Variants in DAPK1 observed in about 807,000 individuals in gnomAD.
DAPK1 encodes death-associated protein kinase 1.
A neutral mutation model predicts 144.9 loss-of-function variants in DAPK1; 56 were observed. That is an observed-to-expected ratio of 0.39 (90% CI 0.31 to 0.48). DAPK1 has a LOEUF of 0.48. Ranked by LOEUF, DAPK1 falls within the 20% of genes least tolerant of loss-of-function variation. The pLI is 0.95. For missense variants in DAPK1, 1,454 were observed against 1,875.4 expected, an observed-to-expected ratio of 0.78 and a Z score of 4.15; for synonymous variants, 690 against 749.0, an observed-to-expected ratio of 0.92 and a Z score of 1.29.
chr9:87,613,874 G>A (rs898156217), intron 3 of DAPK1, among the ~76,000 whole-genome samples: 11 of 152,124 alleles, frequency 7.2e-5, no homozygotes, highest in African/African-American at 2.7e-4. Flanking sequence ...TCTCTTTTCT[G>A]AGCTCGAGCC....
chr9:87,698,440 T>A, intron 22 of DAPK1: 1 of 455,720 alleles, frequency 2.2e-6, no homozygotes, highest in Non-Finnish European at 3.9e-6. Context: ...ATTTTCCTTG[T>A]GGCCTAGGAG....
chr9:87,642,150 A>G, intron 10 of DAPK1, 92 bp downstream of exon 10: 3 of 924,116 alleles, frequency 3.2e-6, no homozygotes, highest in Admixed American at 2.1e-5. Context: ...TACTGGTAAT[A>G]TGGAAGATAC....
intron 2 of DAPK1, among the ~76,000 whole-genome samples, chr9:87,551,122 G>A (rs1044266966): frequency 1.7e-4 from 26 of 151,736 alleles, no homozygotes; most frequent in African/African-American, 6.1e-4. Context: ...TCTTAAAACT[G>A]GGCAACATCA....
chr9:87,551,440 G>A (rs1004153664), intron 2 of DAPK1, among the ~76,000 whole-genome samples: 3 of 152,140 alleles, frequency 2.0e-5, no homozygotes, highest in East Asian at 1.9e-4. Flanking sequence ...GTCACCGTGC[G>A]CAGCCTGTTA....
chr9:87,666,095 T>G (rs150144536), intron 18 of DAPK1, among the ~76,000 whole-genome samples: 3 of 152,258 alleles, frequency 2.0e-5, no homozygotes, highest in African/African-American at 7.2e-5. Flanking sequence ...GAAGGCCAGG[T>G]AGTTAGGGCA....
chr9:87,644,240 T>G (rs1235592683), intron 11 of DAPK1, among the ~76,000 whole-genome samples: 1 of 152,154 alleles, frequency 6.6e-6, no homozygotes, highest in Non-Finnish European at 1.5e-5. Context: ...TGAAACCTAA[T>G]CACAGATAAG....
At chr9:87,509,145 A>AG (rs910377585) in intron 2 of DAPK1, among the ~76,000 whole-genome samples, 18 of 152,210 alleles carry the variant, frequency 1.2e-4, no homozygotes, top group Admixed American at 1.0e-3. Context: ...CTTTATAAAA[A>AG]CAAAGCTACA....
intron 19 of DAPK1, among the ~76,000 whole-genome samples, chr9:87,678,115 C>T (rs906328408): frequency 2.0e-5 from 3 of 152,210 alleles, no homozygotes; most frequent in African/African-American, 7.2e-5. Context: ...GAAGAAAACA[C>T]CAGAGTACAG....
chr9:87,650,275 TTC>T, intron 16 of DAPK1, 157 bp downstream of exon 16: 1 of 667,940 alleles, frequency 1.5e-6, no homozygotes, highest in Non-Finnish European at 2.5e-6. Context: ...CTGTGAACTT[TTC>T]TATATTGTAT....
At chr9:87,564,448 G>A (rs576922175) in intron 2 of DAPK1, among the ~76,000 whole-genome samples, 1 of 152,164 alleles carries the variant, frequency 6.6e-6, no homozygotes, top group Non-Finnish European at 1.5e-5. Flanking sequence ...ACGTGAGAAT[G>A]GGTAATTTAT....
intron 19 of DAPK1, among the ~76,000 whole-genome samples, chr9:87,674,530 A>T (rs892869397): frequency 6.6e-6 from 1 of 151,428 alleles, no homozygotes; most frequent in Admixed American, 6.6e-5. Flanking sequence ...AAAAAAAAAA[A>T]AAAAAAAAAG....
intron 3 of DAPK1, among the ~76,000 whole-genome samples, chr9:87,615,133 C>T (rs1043289471): frequency 6.6e-6 from 1 of 152,210 alleles, no homozygotes; most frequent in Admixed American, 6.5e-5. Context: ...GCCTCACGTC[C>T]TTGCAAAATG....
intron 2 of DAPK1, among the ~76,000 whole-genome samples, chr9:87,563,010 A>G (rs1826988222): frequency 6.6e-6 from 1 of 152,186 alleles, no homozygotes. Flanking sequence ...AAGGTTGGAC[A>G]ATGGAAGGAG....
chr9:87,640,080 C>T (rs1413265701), intron 7 of DAPK1, among the ~76,000 whole-genome samples: 1 of 152,208 alleles, frequency 6.6e-6, no homozygotes, highest in African/African-American at 2.4e-5. Context: ...TTCCTTTAAA[C>T]TACCAGACGC....
intron 2 of DAPK1, among the ~76,000 whole-genome samples, chr9:87,501,413 C>T (rs1223281764): frequency 6.6e-6 from 1 of 152,120 alleles, no homozygotes; most frequent in Non-Finnish European, 1.5e-5. Context: ...GGCGCAGTGG[C>T]GCGCGCCTGT....
intron 2 of DAPK1, among the ~76,000 whole-genome samples, chr9:87,567,965 A>G (rs980243616): frequency 3.3e-5 from 5 of 152,244 alleles, no homozygotes; most frequent in Non-Finnish European, 7.3e-5. Flanking sequence ...TTGAAATGGT[A>G]ATGCTAAGGA....
intron 2 of DAPK1, chr9:87,525,346 C>T: frequency 6.2e-7 from 1 of 1,611,066 alleles, no homozygotes; most frequent in Non-Finnish European, 8.5e-7. Context: ...GAAAATTCGG[C>T]CAGGGTTCTC....
chr9:87,631,320 G>A (rs552878427), intron 3 of DAPK1, among the ~76,000 whole-genome samples: 2 of 152,240 alleles, frequency 1.3e-5, no homozygotes, highest in African/African-American at 4.8e-5. Flanking sequence ...TTTAGAAAAT[G>A]GAATCTTGCA....
At chr9:87,559,326 C>CAGGGCAGGGT (rs1216206294) in intron 2 of DAPK1, among the ~76,000 whole-genome samples, 4 of 146,442 alleles carry the variant, frequency 2.7e-5, no homozygotes, top group Non-Finnish European at 5.9e-5. Context: ...TAGGGTAGGG[C>CAGGGCAGGGT]AGGGCAGGGT....
Sources: gnomAD v4.1 joint callset for allele counts (sites outside exome capture counted in the v4.1 genomes callset) on GRCh38, gnomAD v4.1.1 for gene constraint, MANE v1.5 for transcripts, NCBI Gene and HGNC (gene_info 2026-07-23, HGNC 2026-07-21) for gene names.